The following COL1A2 variants were observed in gnomAD, a reference collection of about 807,000 sequenced individuals.
The protein encoded by COL1A2 is collagen type I alpha 2 chain.
A neutral mutation model predicts 174.3 loss-of-function variants in COL1A2; 49 were observed. The observed-to-expected ratio is 0.28, with a 90% confidence interval of 0.22 to 0.36. The LOEUF is 0.36. Among genes scored for constraint, COL1A2 ranks in the 10% least tolerant of loss-of-function variants. The pLI, the probability that COL1A2 is intolerant of heterozygous loss-of-function variation, is 1.00. For synonymous variants in COL1A2, 655 were observed against 606.6 expected (o/e 1.08, Z -1.17); for missense variants, 1,438 against 1,822.7 (o/e 0.79, Z 3.84).
rs577182625 is a variant in COL1A2 at position 94,427,822 on chromosome 7, T to A, written c.3463T>A (p.Ser1155Thr). 13 of 1,614,122 alleles carry A rather than the reference T, an allele frequency of 8.1e-6. No homozygotes were observed. The African/African-American group carries it at 1.6e-4, about 20-fold the overall frequency. The stretch of plus-strand genomic sequence containing the variant: ...TGAGACCCTTCTTACTCCTGAAGGC[T>A]CTAGAAAGAACCCAGCTCGCACATG... ...QIETLLTPEG[S>T]RKNPARTCRD... is the part of the protein sequence containing the mutation. Residue 1155 changes from serine to threonine, a missense_variant, in exon 49 of 52, where the codon TCT becomes ACT. Around this residue, in one of 3 missense-constraint regions of COL1A2, gnomAD observed 290 missense variants for 298.1 expected, o/e 0.97. Coordinates refer to ENST00000297268, the MANE Select transcript of COL1A2 (RefSeq NM_000089.4).
intron 17 of COL1A2, 31 bp from the exon 18 acceptor site, chr7:94,409,533 T>C (rs763980302): frequency 6.2e-6 from 10 of 1,614,018 alleles, no homozygotes; most frequent in Non-Finnish European, 6.8e-6. Context: ...TCCAATTAAC[T>C]GATATCCTTC....
At chr7:94,412,443 G>T (rs1791947659) in intron 24 of COL1A2, 141 bp from the exon 25 acceptor site, 3 of 714,144 alleles carry the variant, frequency 4.2e-6, no homozygotes, top group African/African-American at 1.8e-5. Context: ...AAAGGAAAAT[G>T]GATTCATAAT....
chr7:94,410,985 T>C, intron 22 of COL1A2, 43 bp downstream of exon 22: 5 of 1,612,326 alleles, frequency 3.1e-6, no homozygotes, highest in South Asian at 1.1e-5. Context: ...GGCTTGCTGC[T>C]TCTGGTGGTG....
intron 37 of COL1A2, 161 bp from the exon 38 acceptor site, chr7:94,420,848 C>T (rs1412730461): frequency 2.3e-6 from 2 of 882,538 alleles, no homozygotes; most frequent in Non-Finnish European, 3.7e-6. Flanking sequence ...TCTCTGATAA[C>T]CTCATAAGGG....
chr7:94,401,706 C>A, intron 6 of COL1A2, 86 bp downstream of exon 6: 1 of 962,156 alleles, frequency 1.0e-6, no homozygotes, highest in Non-Finnish European at 1.6e-6. Flanking sequence ...ATTTATTTAG[C>A]TACCTAAGTT....
At chr7:94,429,909 A>G in intron 51 of COL1A2, 1 of 344,122 alleles carries the variant, frequency 2.9e-6, no homozygotes, top group South Asian at 3.9e-5. Context: ...AAGACTACAT[A>G]CCCACCCAGG....
At chr7:94,413,195 T>C (rs891311054) in intron 26 of COL1A2, 59 bp downstream of exon 26, 2 of 1,493,248 alleles carry the variant, frequency 1.3e-6, no homozygotes, top group African/African-American at 2.8e-5. Context: ...AACCACACTT[T>C]TTTTTTTACA....
In COL1A2 at chr7:94,430,739, A is replaced by C. The variant is rs745362559; in HGVS notation, c.*346A>C. 1 of 282,920 alleles carries C rather than the reference A, an allele frequency of 3.5e-6. No homozygotes were observed. The highest frequency in any genetic ancestry group is 6.7e-6 in the Non-Finnish European group (1 of 148,722). 17.5% of individuals were successfully genotyped at this position (282,920 alleles called of 1,614,324 possible). ...GCTTTTGAATATCTTCCACAGAGGG[A>C]AGTTTAAAACCCAAACTTCCAAAGG... On this transcript the variant is annotated 3_prime_UTR_variant, in exon 52 of 52. Coordinates refer to ENST00000297268, the MANE Select transcript of COL1A2 (RefSeq NM_000089.4).
chr7:94,414,881 C>T (rs192630608), intron 29 of COL1A2, among the ~76,000 whole-genome samples: 4 of 152,188 alleles, frequency 2.6e-5, no homozygotes, highest in East Asian at 1.9e-4. Context: ...CTTAAGAAGA[C>T]GATCTGTTAT....
intron 3 of COL1A2, among the ~76,000 whole-genome samples, chr7:94,398,627 A>G (rs557081461): frequency 2.0e-4 from 31 of 151,290 alleles, no homozygotes; most frequent in Non-Finnish European, 3.8e-4. Flanking sequence ...GGTGATTTAC[A>G]TACAAAAGGA....
chr7:94,401,700 AT>A, intron 6 of COL1A2, 80 bp downstream of exon 6: 1 of 1,033,288 alleles, frequency 9.7e-7, no homozygotes, highest in Non-Finnish European at 1.5e-6. Flanking sequence ...CACGCCATTT[AT>A]TTAGCTACCT....
intron 16 of COL1A2, 60 bp downstream of exon 16, chr7:94,408,883 AT>A: frequency 1.4e-6 from 2 of 1,450,240 alleles, no homozygotes; most frequent in Non-Finnish European, 1.9e-6. Flanking sequence ...GATGTGAAAG[AT>A]TGGAACTGTG....
In COL1A2 at chr7:94,412,059, A is replaced by G. The variant is rs1208770902; in HGVS notation, c.1351-9A>G. ...TGCCAATATAAAAACATCCTCATTT[A>G]TTTTATAGGGTCTTCCTGGTTCCCC... is the stretch of plus-strand genomic sequence containing the variant. On this transcript the variant is annotated splice_polypyrimidine_tract_variant and intron_variant, in intron 23 of 51. Transcript: ENST00000297268. 3 of 1,608,714 alleles carry G rather than the reference A, an allele frequency of 1.9e-6. No homozygotes were observed. In the African/African-American group the frequency reaches 4.0e-5, roughly 22 times the overall value.
At chr7:94,427,545 C>T (rs1375096567) in intron 48 of COL1A2, 82 bp from the exon 49 acceptor site, 2 of 1,501,274 alleles carry the variant, frequency 1.3e-6, no homozygotes, top group Non-Finnish European at 1.8e-6. Flanking sequence ...CCGTGTGAAG[C>T]TCAACTGAAA....
chr7:94,413,856 T>A, intron 27 of COL1A2, 38 bp from the exon 28 acceptor site: 1 of 1,612,636 alleles, frequency 6.2e-7, no homozygotes, highest in Non-Finnish European at 8.5e-7. Flanking sequence ...AGTGGTGACA[T>A]ACGTTGCTAT....
rs1791770915 is a variant in COL1A2 at position 94,405,205 on chromosome 7, C to T, written c.439C>T (p.Pro147Ser). 6.2e-7 allele frequency: 1 copy of T among 1,613,764 alleles called. No homozygotes were observed. Among genetic ancestry groups the T allele is most frequent in the Non-Finnish European group, 8.5e-7 (1 of 1,179,898 alleles). Residue 147 changes from proline (P) to serine (S), a missense_variant, in exon 10 of 52, where the codon CCT (proline) becomes TCT (serine). Transcript: ENST00000297268. The part of the protein sequence containing the change: ...PPGKAGEDGH[P>S]GKPGRPGERG... Reference sequence around the variant, plus strand: ...ACAATGTTTTCATGTTTAGGGTCACCCTGGAAAACCCGGACGACCTGGTGA... The same window carrying T: ...ACAATGTTTTCATGTTTAGGGTCACTCTGGAAAACCCGGACGACCTGGTGA...
chr7:94,401,454 CTT>C, intron 5 of COL1A2, 111 bp from the exon 6 acceptor site: 1 of 404,728 alleles, frequency 2.5e-6, no homozygotes, highest in Non-Finnish European at 3.8e-6. Flanking sequence ...ACATTGCCCT[CTT>C]TTAAATAACA....
chr7:94,407,801 T>C (rs752018647), intron 12 of COL1A2, 46 bp from the exon 13 acceptor site: 2 of 1,582,520 alleles, frequency 1.3e-6, no homozygotes, highest in Non-Finnish European at 1.7e-6. Flanking sequence ...TCAGGAAAAA[T>C]AATTGTTATA....
chr7:94,422,739 C>A lies in COL1A2; in HGVS notation c.2404-218C>A, dbSNP rs565337544. On this transcript the variant is annotated intron_variant, in intron 39 of 51. Transcript: ENST00000297268. The stretch of plus-strand genomic sequence containing the variant: ...TCATAGAAATTTGCCATAGTCTCTC[C>A]TCCATTATTTGGTTGGTTACAGCCT... 1.4e-5 allele frequency: 8 copies of A among 581,178 alleles called. No homozygotes were observed. In the East Asian group the frequency reaches 2.2e-4, roughly 16 times the overall value. The allele number at this position is 581,178 out of a possible 1,614,324, so 36.0% of individuals were successfully genotyped here.
Sources: gnomAD v4.1 joint callset for allele counts (sites outside exome capture counted in the v4.1 genomes callset) on GRCh38, gnomAD v4.1.1 for gene constraint, gnomAD v4.1.1 regional missense constraint, MANE v1.5 for transcripts, NCBI Gene and HGNC (gene_info 2026-07-23, HGNC 2026-07-21) for gene names.